CFAP97: variants seen among roughly 807,000 people sequenced by gnomAD.
CFAP97 encodes cilia and flagella associated protein 97, also known as cilia- and flagella-associated protein 97.
CFAP97 carries 36 observed loss-of-function variants against 43.1 expected under a neutral mutation model. That is an observed-to-expected ratio of 0.84 (90% CI 0.64 to 1.10). The LOEUF (loss-of-function observed/expected upper bound fraction) is 1.10. Ranked by LOEUF, CFAP97 falls within the 50% of genes least tolerant of loss-of-function variation. The pLI is 0.00. For synonymous variants in CFAP97, 228 were observed against 225.7 expected (o/e 1.01, Z -0.09); for missense variants, 657 against 620.3 (o/e 1.06, Z -0.63).
intron 2 of CFAP97, among the ~76,000 whole-genome samples, chr4:185,185,283 T>A (rs910313949): frequency 6.6e-6 from 1 of 151,954 alleles, no homozygotes; most frequent in Non-Finnish European, 1.5e-5. Context: ...AATGCAGCAA[T>A]AGAAATTTGA....
At chr4:185,185,014 C>A (rs1040270985) in intron 2 of CFAP97, among the ~76,000 whole-genome samples, 4 of 152,100 alleles carry the variant, frequency 2.6e-5, no homozygotes, top group African/African-American at 9.7e-5. Context: ...GTCAAACAAG[C>A]CCATATTTAA....
chr4:185,189,767 C>G (rs1469988516), intron 2 of CFAP97, among the ~76,000 whole-genome samples: 1 of 152,186 alleles, frequency 6.6e-6, no homozygotes, highest in Non-Finnish European at 1.5e-5. Context: ...GACGCCACAT[C>G]AGGTGTTAAC....
intron 2 of CFAP97, among the ~76,000 whole-genome samples, chr4:185,185,586 T>C (rs1735974401): frequency 6.6e-6 from 1 of 151,764 alleles, no homozygotes; most frequent in Non-Finnish European, 1.5e-5. Context: ...CTGGTAGTGA[T>C]ATTAACAACT....
At chr4:185,180,974 A>C (rs1735756526) in intron 2 of CFAP97, among the ~76,000 whole-genome samples, 1 of 152,122 alleles carries the variant, frequency 6.6e-6, no homozygotes, top group African/African-American at 2.4e-5. Flanking sequence ...AATTCCTCTA[A>C]AAATAATAAA....
intron 1 of CFAP97, among the ~76,000 whole-genome samples, chr4:185,203,091 T>C (rs1736964647): frequency 6.6e-6 from 1 of 151,854 alleles, no homozygotes; most frequent in South Asian, 2.1e-4. Flanking sequence ...TCCCCGGACT[T>C]TGGGAGGCCA....
intron 1 of CFAP97, 77 bp downstream of exon 1, chr4:185,203,821 G>A (rs1268511133): frequency 6.6e-6 from 1 of 152,040 alleles, no homozygotes; most frequent in Non-Finnish European, 1.5e-5. Flanking sequence ...CCGGAGCGGG[G>A]AGACGGATGC....
chr4:185,180,123 C>A (rs932614706), intron 2 of CFAP97, among the ~76,000 whole-genome samples: 1 of 152,052 alleles, frequency 6.6e-6, no homozygotes, highest in South Asian at 2.1e-4. Context: ...TATTTTCATT[C>A]TTCCTATACT....
intron 4 of CFAP97, among the ~76,000 whole-genome samples, chr4:185,163,596 G>C (rs1015228778): frequency 2.6e-5 from 4 of 151,832 alleles, no homozygotes; most frequent in African/African-American, 7.3e-5. Flanking sequence ...AAGCGGTAAG[G>C]CTTGTTGTGT....
chr4:185,190,903 T>C lies in CFAP97; in HGVS notation c.294A>G (p.Ser98=). 3 of 1,613,544 alleles carry C rather than the reference T, an allele frequency of 1.9e-6. No homozygotes were observed. Among genetic ancestry groups the C allele is most frequent in the South Asian group, 2.2e-5 (2 of 90,998 alleles). ...TVSSFSLPAS[S]RSKKLCDVTT... ...TAACATCACACAATTTTTTTGATCT[T>C]GAAGAGGCTGGCAATGAGAAAGAAC... is the stretch of plus-strand genomic sequence containing the variant. Residue 98 remains serine (S), a synonymous_variant, in exon 2 of 5, where the codon TCA becomes TCG. Transcript: ENST00000458385.
rs368301991 is a variant in CFAP97 at position 185,170,346 on chromosome 4, T to C, written c.1320+5440A>G. The stretch of plus-strand genomic sequence containing the variant: ...GGGTGACAGAGCGAGATAGTCTAAA[T>C]AAATAAATAAAATAAAGTTACTCCT... On this transcript the variant is annotated intron_variant, in intron 3 of 4. Coordinates refer to ENST00000458385, the MANE Select transcript of CFAP97 (RefSeq NM_020827.3). 528 of 551,640 alleles carry C rather than the reference T, an allele frequency of 9.6e-4. 1 individual carries two copies. The African/African-American group carries it at 9.7e-3, about 10-fold the overall frequency. 34.2% of individuals were successfully genotyped at this position (551,640 alleles called of 1,614,324 possible). A position where few individuals can be genotyped will look rare whatever the true frequency, so the allele number is the denominator to read the frequency against.
intron 3 of CFAP97, among the ~76,000 whole-genome samples, chr4:185,175,148 T>C (rs1735463973): frequency 6.6e-6 from 1 of 152,180 alleles, no homozygotes; most frequent in African/African-American, 2.4e-5. Flanking sequence ...GAAGAAACAC[T>C]TGGATACCAT....
chr4:185,163,895 AAACAT>A (rs1734965899), intron 4 of CFAP97, 129 bp downstream of exon 4: 13 of 773,200 alleles, frequency 1.7e-5, no homozygotes, highest in Non-Finnish European at 2.6e-5. Context: ...AAATAAAACA[AAACAT>A]GACAGTGGGA....
At chr4:185,207,357 C>T (rs935696318), upstream of CFAP97, among the ~76,000 whole-genome samples, 1 of 151,830 alleles carries the variant, frequency 6.6e-6, no homozygotes, top group African/African-American at 2.4e-5. Flanking sequence ...GCTGGGACTA[C>T]AGGCGCACAC....
intron 1 of CFAP97, among the ~76,000 whole-genome samples, chr4:185,198,065 C>T (rs1736636594): frequency 1.3e-5 from 2 of 152,194 alleles, no homozygotes; most frequent in Admixed American, 1.3e-4. Context: ...CCCTCACTCA[C>T]TTTCAATTCT....
chr4:185,204,169 A>G (rs915016034), upstream of CFAP97: 2 of 151,996 alleles, frequency 1.3e-5, no homozygotes, highest in African/African-American at 4.8e-5. Flanking sequence ...GGACGCGCAC[A>G]CTAGAAGAGC....
At chr4:185,180,362 C>T (rs959730879) in intron 2 of CFAP97, among the ~76,000 whole-genome samples, 3 of 152,114 alleles carry the variant, frequency 2.0e-5, no homozygotes, top group Admixed American at 6.5e-5. Flanking sequence ...TCACCACCAC[C>T]AGTTTCCAAA....
At chr4:185,180,984 A>C (rs550719132) in intron 2 of CFAP97, among the ~76,000 whole-genome samples, 1 of 152,154 alleles carries the variant, frequency 6.6e-6, no homozygotes, top group Non-Finnish European at 1.5e-5. Flanking sequence ...AAAATAATAA[A>C]CCAATTATAT....
At chr4:185,173,621 G>C (rs1735396851) in intron 3 of CFAP97, among the ~76,000 whole-genome samples, 1 of 152,098 alleles carries the variant, frequency 6.6e-6, no homozygotes, top group Non-Finnish European at 1.5e-5. Flanking sequence ...CATTTTAAGT[G>C]AAATAAACCA....
intron 2 of CFAP97, among the ~76,000 whole-genome samples, chr4:185,184,572 G>A (rs992842773): frequency 6.6e-6 from 1 of 152,174 alleles, no homozygotes; most frequent in African/African-American, 2.4e-5. Flanking sequence ...AGCAGCCTAA[G>A]AACGAAGCCA....
Sources: gnomAD v4.1 joint callset for allele counts (sites outside exome capture counted in the v4.1 genomes callset) on GRCh38, gnomAD v4.1.1 for gene constraint, MANE v1.5 for transcripts, NCBI Gene and HGNC (gene_info 2026-07-23, HGNC 2026-07-21) for gene names.